The following SOS2 variants were observed in gnomAD, a reference collection of about 807,000 sequenced individuals.
SOS2 encodes the protein SOS Ras/Rho guanine nucleotide exchange factor 2.
In SOS2, 65 loss-of-function variants were observed where a neutral mutation model predicts 148.2. The ratio of observed to expected loss-of-function variants is 0.44; its 90% CI spans 0.36 to 0.54. The LOEUF is 0.54. Among genes scored for constraint, SOS2 ranks in the 20% least tolerant of loss-of-function variants. SOS2 has a pLI of 0.00. For synonymous variants in SOS2, 539 were observed against 537.1 expected (o/e 1.00, Z -0.05); for missense variants, 1,341 against 1,590.2 (o/e 0.84, Z 2.67).
chr14:50,148,132 C>A (rs899612893), intron 14 of SOS2, among the ~76,000 whole-genome samples: 1 of 152,136 alleles, frequency 6.6e-6, no homozygotes, highest in Non-Finnish European at 1.5e-5. Flanking sequence ...GTTTACAAAG[C>A]TGGGTGCAGT....
chr14:50,230,945 T>C lies in SOS2; in HGVS notation c.87+252A>G, dbSNP rs559382111. ...AAATTGGTCAACGGCGGAAGTTGCC[T>C]GACGAAATGACTGCAACATGAAATC... On this transcript the variant is annotated intron_variant, in intron 1 of 22. Coordinates refer to ENST00000216373, the MANE Select transcript of SOS2 (RefSeq NM_006939.4). 50 of 1,075,766 alleles carry C rather than the reference T, an allele frequency of 4.6e-5. 1 individual carries two copies. The South Asian group carries it at 2.0e-3, about 43-fold the overall frequency. The allele number at this position is 1,075,766 out of a possible 1,614,324, so 66.6% of individuals were successfully genotyped here. A position where few individuals can be genotyped will look rare whatever the true frequency, so the allele number is the denominator to read the frequency against.
chr14:50,136,157 A>G (rs7152358), intron 18 of SOS2, among the ~76,000 whole-genome samples: 21,703 of 152,252 alleles, frequency 0.14, 2,037 homozygotes, highest in African/African-American at 0.26. Flanking sequence ...TAAATTAAAT[A>G]TTAGCCACTA....
intron 1 of SOS2, among the ~76,000 whole-genome samples, chr14:50,225,548 G>T (rs551795015): frequency 6.6e-6 from 1 of 152,170 alleles, no homozygotes; most frequent in Non-Finnish European, 1.5e-5. Context: ...TGCTGACAGG[G>T]AGCCAAGTAC....
chr14:50,191,994 AT>A (rs1318431806), intron 4 of SOS2, among the ~76,000 whole-genome samples: 1 of 151,718 alleles, frequency 6.6e-6, no homozygotes, highest in Admixed American at 6.6e-5. Context: ...CTACAAAAAA[AT>A]TTTAAACACA....
chr14:50,185,080 G>A (rs557676009), intron 5 of SOS2, among the ~76,000 whole-genome samples: 3 of 151,998 alleles, frequency 2.0e-5, no homozygotes, highest in East Asian at 1.9e-4. Context: ...ACTGGTAAAC[G>A]TGTTTCCCTG....
At chr14:50,192,497 A>C (rs1037679614) in intron 4 of SOS2, among the ~76,000 whole-genome samples, 3 of 152,138 alleles carry the variant, frequency 2.0e-5, no homozygotes, top group African/African-American at 7.2e-5. Flanking sequence ...CAGAGGTTGC[A>C]CTGGGCAGAG....
rs143332839 is a variant in SOS2 at position 50,140,015 on chromosome 14, T to C, written c.2712A>G (p.Glu904=). 1.7e-4 allele frequency: 266 copies of C among 1,607,310 alleles called. No homozygotes were observed. The highest frequency in any genetic ancestry group is 2.1e-4 in the Non-Finnish European group (245 of 1,175,332). ...ATTTTTTAAAGTGATCTTGACTTAA[T>C]TCCACAGCTTCGTCCAAAATTTTCC... ...RKRKILDEAV[E]LSQDHFKKYL... The change falls in exon 17 of 23, where the codon GAA becomes GAG. Residue 904 remains glutamate (E), a synonymous_variant. Transcript: ENST00000216373.
intron 21 of SOS2, among the ~76,000 whole-genome samples, chr14:50,124,085 T>C (rs1339970570): frequency 6.6e-6 from 1 of 152,208 alleles, no homozygotes; most frequent in African/African-American, 2.4e-5. Flanking sequence ...AGGTTTGAGA[T>C]TCCTATTAGA....
chr14:50,184,178 G>A (rs570718660), intron 5 of SOS2, among the ~76,000 whole-genome samples: 1 of 152,240 alleles, frequency 6.6e-6, no homozygotes, highest in African/African-American at 2.4e-5. Context: ...GTGGCAGATA[G>A]CCATATATCT....
At chr14:50,215,295 C>A (rs936467083) in intron 1 of SOS2, 3 of 903,052 alleles carry the variant, frequency 3.3e-6, no homozygotes. Context: ...CATCAAGCAT[C>A]AAAGTTTCTT....
At chr14:50,151,051 G>A (rs2139598444) in intron 13 of SOS2, among the ~76,000 whole-genome samples, 1 of 152,234 alleles carries the variant, frequency 6.6e-6, no homozygotes, top group East Asian at 1.9e-4. Flanking sequence ...TAGAAATAGG[G>A]TTTATCCATG....
At chr14:50,167,144 TAAG>T (rs1192064870) in intron 8 of SOS2, among the ~76,000 whole-genome samples, 2 of 152,166 alleles carry the variant, frequency 1.3e-5, no homozygotes, top group East Asian at 1.9e-4. Context: ...AAAAAACACA[TAAG>T]AAAGTTAACT....
At chr14:50,144,422 T>C (rs1884394516) in intron 16 of SOS2, among the ~76,000 whole-genome samples, 1 of 151,948 alleles carries the variant, frequency 6.6e-6, no homozygotes, top group African/African-American at 2.4e-5. Flanking sequence ...ACATATTTTA[T>C]AATTTAAAAA....
At chr14:50,229,863 A>G (rs1460277633) in intron 1 of SOS2, among the ~76,000 whole-genome samples, 1 of 152,160 alleles carries the variant, frequency 6.6e-6, no homozygotes, top group Non-Finnish European at 1.5e-5. Context: ...CTATCTAGGC[A>G]TTTCCCCCTT....
intron 4 of SOS2, among the ~76,000 whole-genome samples, chr14:50,190,155 G>A (rs554674639): frequency 5.8e-4 from 88 of 151,888 alleles, no homozygotes; most frequent in Middle Eastern, 3.4e-3. Flanking sequence ...GCCTGGCTGT[G>A]ACCATACATT....
intron 8 of SOS2, among the ~76,000 whole-genome samples, chr14:50,168,592 G>A (rs929906652): frequency 2.6e-5 from 4 of 152,080 alleles, no homozygotes; most frequent in Admixed American, 1.3e-4. Flanking sequence ...TTGTTGTTGA[G>A]TTGTAGGAGT....
intron 3 of SOS2, among the ~76,000 whole-genome samples, chr14:50,200,240 G>A (rs1274534597): frequency 6.6e-6 from 1 of 152,006 alleles, no homozygotes; most frequent in Non-Finnish European, 1.5e-5. Flanking sequence ...CTACTGAGGG[G>A]AGGTATGGAA....
At chr14:50,138,526 C>T in intron 18 of SOS2, 86 bp downstream of exon 18, 1 of 598,252 alleles carries the variant, frequency 1.7e-6, no homozygotes. Flanking sequence ...TTGTGCGATC[C>T]AATAGTATGT....
At chr14:50,185,746 T>C (rs1595004466) in intron 5 of SOS2, among the ~76,000 whole-genome samples, 1 of 151,248 alleles carries the variant, frequency 6.6e-6, no homozygotes. Flanking sequence ...TTTTACAACA[T>C]GCCAGATGAA....
Sources: allele counts gnomAD v4.1 joint callset (sites outside exome capture counted in the v4.1 genomes callset), GRCh38; gene constraint gnomAD v4.1.1; transcripts MANE v1.5; gene names NCBI Gene and HGNC (gene_info 2026-07-23, HGNC 2026-07-21).